Variants in ZFYVE9 observed in about 807,000 individuals in gnomAD.
ZFYVE9 encodes the protein zinc finger FYVE-type containing 9.
In ZFYVE9, 43 loss-of-function variants were observed where a neutral mutation model predicts 126.7. The ratio of observed to expected loss-of-function variants is 0.34; its 90% CI spans 0.27 to 0.44. ZFYVE9 has a LOEUF of 0.44. Among genes scored for constraint, ZFYVE9 ranks in the 20% least tolerant of loss-of-function variants. The pLI, the probability that ZFYVE9 is intolerant of heterozygous loss-of-function variation, is 1.00. For synonymous variants in ZFYVE9, 521 were observed against 597.4 expected (o/e 0.87, Z 1.87); for missense variants, 1,476 against 1,697.0 (o/e 0.87, Z 2.29).
chr1:52,253,580 T>C, intron 4 of ZFYVE9: 2 of 947,388 alleles, frequency 2.1e-6, no homozygotes, highest in Non-Finnish European at 3.4e-6. Context: ...CTGGAGATCC[T>C]GAGAACCTGA....
At chr1:52,151,543 T>C (rs1373545617) in intron 1 of ZFYVE9, among the ~76,000 whole-genome samples, 2 of 150,388 alleles carry the variant, frequency 1.3e-5, no homozygotes, top group Non-Finnish European at 3.0e-5. Flanking sequence ...TGAGATGGGG[T>C]CTCGCTCTGT....
At chr1:52,179,848 G>A (rs1644681100) in intron 1 of ZFYVE9, 1 of 670,376 alleles carries the variant, frequency 1.5e-6, no homozygotes, top group Non-Finnish European at 2.7e-6. Flanking sequence ...GAAACAAGAT[G>A]CAGGACCCCA....
intron 1 of ZFYVE9, among the ~76,000 whole-genome samples, chr1:52,181,255 G>A (rs1239993222): frequency 2.0e-5 from 3 of 152,208 alleles, no homozygotes; most frequent in Admixed American, 6.5e-5. Flanking sequence ...ACTGGTTTTC[G>A]TATTTTTTTG....
chr1:52,307,853 G>A (rs772097941), intron 13 of ZFYVE9, among the ~76,000 whole-genome samples: 8 of 150,860 alleles, frequency 5.3e-5, no homozygotes, highest in African/African-American at 1.2e-4. Flanking sequence ...CCGGGTTCAC[G>A]CCATTCTCTT....
intron 1 of ZFYVE9, among the ~76,000 whole-genome samples, chr1:52,144,645 T>C (rs541053797): frequency 6.6e-6 from 1 of 151,072 alleles, no homozygotes; most frequent in Non-Finnish European, 1.5e-5. Flanking sequence ...TTTTTTTTTT[T>C]ACTTCCTTGC....
intron 2 of ZFYVE9, among the ~76,000 whole-genome samples, chr1:52,224,583 A>G (rs1645152726): frequency 6.6e-6 from 1 of 152,114 alleles, no homozygotes; most frequent in African/African-American, 2.4e-5. Context: ...TCCAGTCCTC[A>G]TTTTACCCAA....
chr1:52,276,662 A>G (rs1645751225), intron 8 of ZFYVE9, among the ~76,000 whole-genome samples: 1 of 152,194 alleles, frequency 6.6e-6, no homozygotes, highest in Admixed American at 6.5e-5. Flanking sequence ...TCTCTACTGT[A>G]GACTTCCTGA....
chr1:52,199,266 A>G (rs1466116388), intron 1 of ZFYVE9, among the ~76,000 whole-genome samples: 1 of 151,938 alleles, frequency 6.6e-6, no homozygotes, highest in Non-Finnish European at 1.5e-5. Context: ...ACGGAGTTTC[A>G]CCGTGTTAGG....
chr1:52,278,828 G>A (rs954791447), intron 9 of ZFYVE9, among the ~76,000 whole-genome samples: 8 of 150,308 alleles, frequency 5.3e-5, no homozygotes, highest in Non-Finnish European at 1.0e-4. Flanking sequence ...CCGGGTTCAC[G>A]CCATTCTCCT....
At position 52,238,590 on chromosome 1, in the gene ZFYVE9, G is replaced by A. The variant is rs760862021; in HGVS notation, c.1173G>A (p.Glu391=). Residue 391 remains glutamate (E), a synonymous_variant, in exon 4 of 19, where the codon GAG becomes GAA. Coordinates refer to ENST00000287727, the MANE Select transcript of ZFYVE9 (RefSeq NM_004799.4). ...LGTTEFLNMT[E]HFSESQDMTN... ...CTACAGAATTCCTTAATATGACAGAGCATTTCTCTGAATCTCAGGACATGA... is the reference window on the plus strand; with the variant it reads ...CTACAGAATTCCTTAATATGACAGAACATTTCTCTGAATCTCAGGACATGA... 3.0e-5 allele frequency: 49 copies of A among 1,613,924 alleles called. No homozygotes were observed. The highest frequency in any genetic ancestry group is 3.9e-5 in the Non-Finnish European group (46 of 1,179,964).
intron 1 of ZFYVE9, among the ~76,000 whole-genome samples, chr1:52,176,071 G>A (rs1013089959): frequency 3.3e-5 from 5 of 152,168 alleles, no homozygotes; most frequent in Admixed American, 3.3e-4. Flanking sequence ...GGAGAGACAC[G>A]CTGCTTTTTA....
chr1:52,254,273 G>T, intron 4 of ZFYVE9: 2 of 188,396 alleles, frequency 1.1e-5, no homozygotes, highest in Non-Finnish European at 2.2e-5. Context: ...AAAAACATCA[G>T]TTATTTGCAA....
intron 1 of ZFYVE9, among the ~76,000 whole-genome samples, chr1:52,150,723 G>C (rs980321022): frequency 3.2e-4 from 47 of 145,706 alleles, no homozygotes; most frequent in African/African-American, 1.2e-3. Context: ...AGTGAGCCGA[G>C]ATCACGCCAC....
chr1:52,324,702 A>C (rs1169744879), intron 13 of ZFYVE9, among the ~76,000 whole-genome samples: 1 of 152,216 alleles, frequency 6.6e-6, no homozygotes, highest in East Asian at 1.9e-4. Flanking sequence ...TCTTGAGGGC[A>C]GAGAGTAAGT....
chr1:52,337,636 A>G (rs1569783333), intron 15 of ZFYVE9, 136 bp from the exon 16 acceptor site: 13 of 884,150 alleles, frequency 1.5e-5, no homozygotes, highest in Non-Finnish European at 2.2e-5. Context: ...TAAGAGGTTC[A>G]GCTCAAAGAG....
chr1:52,278,462 A>C (rs770842937), intron 8 of ZFYVE9, 30 bp from the exon 9 acceptor site: 3 of 1,613,508 alleles, frequency 1.9e-6, no homozygotes, highest in Non-Finnish European at 2.5e-6. Context: ...TCCTTTAACC[A>C]ATCTATTACA....
At chr1:52,165,555 C>T (rs1644505852) in intron 1 of ZFYVE9, among the ~76,000 whole-genome samples, 2 of 152,114 alleles carry the variant, frequency 1.3e-5, no homozygotes, top group Admixed American at 6.5e-5. Context: ...GCAGAATCAC[C>T]ACTGAGAATA....
intron 1 of ZFYVE9, among the ~76,000 whole-genome samples, chr1:52,153,973 A>G (rs1049318124): frequency 1.3e-5 from 2 of 152,214 alleles, no homozygotes; most frequent in African/African-American, 4.8e-5. Flanking sequence ...TCTCTGAGCT[A>G]GTACATTAGC....
At chr1:52,230,632 C>G (rs956720432) in intron 2 of ZFYVE9, among the ~76,000 whole-genome samples, 2 of 151,820 alleles carry the variant, frequency 1.3e-5, no homozygotes, top group East Asian at 3.9e-4. Context: ...TGGGGTTTTG[C>G]TGGGGTACCC....
Sources: gnomAD v4.1 joint callset for allele counts (sites outside exome capture counted in the v4.1 genomes callset) on GRCh38, gnomAD v4.1.1 for gene constraint, MANE v1.5 for transcripts, NCBI Gene and HGNC (gene_info 2026-07-23, HGNC 2026-07-21) for gene names.